The following P2RX2 variants were observed in gnomAD, a reference collection of about 807,000 sequenced individuals.
P2RX2 encodes the protein P2X purinoceptor 2.
Under a neutral mutation model 54.8 loss-of-function variants are expected in P2RX2, and 50 were observed. That is an observed-to-expected ratio of 0.91 (90% CI 0.73 to 1.15). The LOEUF is 1.15. Ranked by LOEUF, P2RX2 falls within the 50% of genes most tolerant of loss-of-function variation. P2RX2 has a pLI of 0.00. For synonymous variants in P2RX2, 289 were observed against 259.4 expected (o/e 1.11, Z -1.09); for missense variants, 658 against 633.2 (o/e 1.04, Z -0.42).
intron 1 of P2RX2, 141 bp from the exon 2 acceptor site, chr12:132,619,298 G>A (rs1207432315): frequency 1.2e-6 from 1 of 827,758 alleles, no homozygotes; most frequent in Non-Finnish European, 1.7e-6. Flanking sequence ...GCAGGGGCTG[G>A]GGCTGGGACC....
At chr12:132,619,605 C>T (rs1183759922) in intron 2 of P2RX2, 31 bp downstream of exon 2, 3 of 1,599,502 alleles carry the variant, frequency 1.9e-6, no homozygotes, top group African/African-American at 1.3e-5. Flanking sequence ...CCCGCCCCGC[C>T]GTGCACCCTA....
Position 132,620,883 on chromosome 12 carries a change from TC to T in P2RX2, c.775-117del. The T allele has an allele frequency of 1.1e-5, 8 of 712,800 alleles. 1 individual carries two copies. The highest frequency in any genetic ancestry group is 7.8e-5 in the Admixed American group (2 of 25,494). 44.2% of individuals were successfully genotyped at this position (712,800 alleles called of 1,614,324 possible). A position where few individuals can be genotyped will look rare whatever the true frequency, so the allele number is the denominator to read the frequency against. ...CATGCAGCCTGGGACTGACCCGGGC[TC>T]TCGAGGGGCCTCTCGTGTGCCCTTG... On this transcript the variant is annotated intron_variant, in intron 7 of 10. Coordinates refer to ENST00000643471, the MANE Select transcript of P2RX2 (RefSeq NM_170682.4).
At chr12:132,620,727 C>A in intron 7 of P2RX2, 144 bp downstream of exon 7, 1 of 1,086,724 alleles carries the variant, frequency 9.2e-7, no homozygotes, top group Non-Finnish European at 1.3e-6. Flanking sequence ...CAGCGCAACC[C>A]ATCCGGTGTG....
chr12:132,619,337 C>A, intron 1 of P2RX2, 102 bp from the exon 2 acceptor site: 2 of 1,313,252 alleles, frequency 1.5e-6, no homozygotes, highest in Non-Finnish European at 2.1e-6. Context: ...CCAAGAGCCC[C>A]GCAGAGCGGA....
intron 2 of P2RX2, 35 bp downstream of exon 2, chr12:132,619,609 C>T (rs1426262313): frequency 6.3e-7 from 1 of 1,597,962 alleles, no homozygotes; most frequent in Non-Finnish European, 8.6e-7. Flanking sequence ...CCCCGCCGTG[C>T]ACCCTACCCT....
At chr12:132,620,878 CGGGCTCTCG>C (rs1290713343) in intron 7 of P2RX2, 114 bp from the exon 8 acceptor site, 23 of 885,950 alleles carry the variant, frequency 2.6e-5, no homozygotes, top group Middle Eastern at 3.8e-4. Flanking sequence ...GGGACTGACC[CGGGCTCTCG>C]AGGGGCCTCT....
chr12:132,620,378 G>A, intron 6 of P2RX2, 31 bp downstream of exon 6: 8 of 1,613,940 alleles, frequency 5.0e-6, no homozygotes, highest in African/African-American at 2.7e-5. Context: ...TGACGGCCCA[G>A]CCTGAGGGCT....
rs946340467 is a variant in P2RX2 at position 132,622,078 on chromosome 12, C to T, written c.*106C>T. ...GGGCACCTCAGTAGCGGAGCATCTC[C>T]ACGAAACGGGGCACCACAGGATCCC... On this transcript the variant is annotated 3_prime_UTR_variant, in exon 11 of 11. Coordinates refer to ENST00000643471, the MANE Select transcript of P2RX2 (RefSeq NM_170682.4). 1.3e-6 allele frequency: 2 copies of T among 1,557,174 alleles called. No homozygotes were observed. Among genetic ancestry groups the T allele is most frequent in the African/African-American group, 2.7e-5 (2 of 73,780 alleles).
rs1406523346 is a variant in P2RX2, at chr12:132,619,721, C to A, written c.352C>A (p.His118Asn). 2 of 1,606,414 alleles carry A rather than the reference C, an allele frequency of 1.2e-6. No homozygotes were observed. Among genetic ancestry groups the A allele is most frequent in the African/African-American group, 2.7e-5 (2 of 74,706 alleles). The change falls in exon 3 of 11, where the codon CAC becomes AAC. Residue 118 changes from histidine (H) to asparagine (N), a missense_variant. Coordinates refer to ENST00000643471, the MANE Select transcript of P2RX2 (RefSeq NM_170682.4). ...CATCATCACCAGGGTCGAGGCCACC[C>A]ACTCCCAGACCCAGGGAACCTGCCC... The part of the protein sequence containing the change: ...FSIITRVEAT[H>N]SQTQGTCPES...
chr12:132,619,332 AG>A (rs2041534990), intron 1 of P2RX2, 106 bp from the exon 2 acceptor site: 2 of 1,160,958 alleles, frequency 1.7e-6, no homozygotes, highest in Admixed American at 5.8e-5. Context: ...AGGCCCCAAG[AG>A]CCCCGCAGAG....
At position 132,621,501 on chromosome 12, in the gene P2RX2, CATT is replaced by C; in HGVS notation, c.1028_1030del (p.Ile343del). 1 of 1,561,716 alleles carries C rather than the reference CATT, an allele frequency of 6.4e-7. No individual in the cohort carries two copies. ...CCGGGAAGTTCAGCCTGATTCCCAC[CATT>C]ATTAATCTGGCCACAGCTCTGACTT... On this transcript the variant is annotated inframe_deletion, in exon 10 of 11. Transcript: ENST00000643471.
rs1166741163 is a variant in P2RX2 at position 132,618,903 on chromosome 12, G to A, written c.87G>A (p.Glu29=). 7.4e-7 allele frequency: 1 copy of A among 1,355,386 alleles called. No homozygotes were observed. The highest frequency in any genetic ancestry group is 1.5e-5 in the African/African-American group (1 of 66,032). The allele number at this position is 1,355,386 out of a possible 1,614,324, so 84.0% of individuals were successfully genotyped here. ...RGCWSALWDY[E]TPKVIVVRNR... ...GCTGGTCCGCCCTCTGGGACTACGAGACGCCCAAGGTGATCGTGGTGAGGA... is the reference window on the plus strand; with the variant it reads ...GCTGGTCCGCCCTCTGGGACTACGAAACGCCCAAGGTGATCGTGGTGAGGA... Residue 29 remains glutamate, a synonymous_variant, in exon 1 of 11, where the codon GAG becomes GAA. Transcript: ENST00000643471.
chr12:132,619,032 G>T, intron 1 of P2RX2, 43 bp downstream of exon 1: 1 of 1,053,404 alleles, frequency 9.5e-7, no homozygotes, highest in Non-Finnish European at 1.2e-6. Context: ...GCGGGGCGCA[G>T]GGGAGGGGCT....
In P2RX2 at chr12:132,620,487, C is replaced by T. The variant is rs1441439650; in HGVS notation, c.678C>T (p.Cys226=). 6.2e-7 allele frequency: 1 copy of T among 1,614,088 alleles called. No individual in the cohort carries two copies. Among genetic ancestry groups the T allele is most frequent in the Admixed American group, 1.7e-5 (1 of 60,032 alleles). Residue 226 remains cysteine, a synonymous_variant, in exon 7 of 11, where the codon TGC becomes TGT. Coordinates refer to ENST00000643471, the MANE Select transcript of P2RX2 (RefSeq NM_170682.4). ...GCACAGACGGGTACCTGAAGCGCTG[C>T]ACGTTCCACGAGGCCTCCGACCTCT... is the stretch of plus-strand genomic sequence containing the variant. ...ADRTDGYLKR[C]TFHEASDLYC...
Position 132,622,014 on chromosome 12 carries a change from G to A in P2RX2, c.*42G>A, listed in dbSNP as rs1333813053. On this transcript the variant is annotated 3_prime_UTR_variant, in exon 11 of 11. Transcript: ENST00000643471. ...CTGGACTGCAGACCCGGCCTGGTGG[G>A]GCCAGAGAGTCCCCAGCTAGGGACC... The A allele has an allele frequency of 3.7e-6, 6 of 1,610,846 alleles. No homozygotes were observed. Among genetic ancestry groups the A allele is most frequent in the East Asian group, 2.2e-5 (1 of 44,892 alleles).
chr12:132,620,497 G>A lies in P2RX2; in HGVS notation c.688G>A (p.Glu230Lys). The A allele has an allele frequency of 6.2e-7, 1 of 1,614,028 alleles. No homozygotes were observed. Among genetic ancestry groups the A allele is most frequent in the Non-Finnish European group, 8.5e-7 (1 of 1,180,006 alleles). Residue 230 changes from glutamate to lysine, a missense_variant, in exon 7 of 11, where the codon GAG becomes AAG. Transcript: ENST00000643471. ...GTACCTGAAGCGCTGCACGTTCCAC[G>A]AGGCCTCCGACCTCTACTGCCCCAT... is the stretch of plus-strand genomic sequence containing the variant. Reference protein sequence around the residue: ...DGYLKRCTFHEASDLYCPIFK... With the variant: ...DGYLKRCTFHKASDLYCPIFK...
rs1171463935 is a variant in P2RX2 at position 132,622,384 on chromosome 12, C to G, written c.*412C>G. 1 of 277,854 alleles carries G rather than the reference C, an allele frequency of 3.6e-6. No individual in the cohort carries two copies. Among genetic ancestry groups the G allele is most frequent in the Non-Finnish European group, 6.1e-6 (1 of 164,704 alleles). The allele number at this position is 277,854 out of a possible 1,614,324, so 17.2% of individuals were successfully genotyped here. ...ATACTCAGTCCAATAAACCTGTGAG[C>G]AGAACCTTCTGGCCTCGTTCCTTGG... On this transcript the variant is annotated 3_prime_UTR_variant, in exon 11 of 11. Transcript: ENST00000643471.
At position 132,619,574 on chromosome 12, in the gene P2RX2, G is replaced by C; in HGVS notation, c.309G>C (p.Glu103Asp). The C allele has an allele frequency of 6.2e-7, 1 of 1,609,798 alleles. No homozygotes were observed. Among genetic ancestry groups the C allele is most frequent in the Non-Finnish European group, 8.5e-7 (1 of 1,177,976 alleles). Residue 103 changes from glutamate (E) to aspartate (D), a missense_variant and splice_region_variant, in exon 2 of 11, where the codon GAG (glutamate) becomes GAC (aspartate). Transcript: ENST00000643471. The part of the protein sequence containing the change: ...WDVEEYVKPP[E>D]GGSVFSIITR... ...TGGAGGAGTACGTGAAGCCCCCCGA[G>C]GTGCGGGCCGCCCCCTGCCCCCCGC...
rs12830746 is a variant in P2RX2 at position 132,620,908 on chromosome 12, T to A, written c.775-93T>A. 7.5e-5 allele frequency: 3 copies of A among 39,892 alleles called. 1 individual carries two copies. The highest frequency in any genetic ancestry group is 8.5e-3 in the East Asian group (2 of 234). The allele number at this position is 39,892 out of a possible 1,614,324, so 2.5% of individuals were successfully genotyped here. A position where few individuals can be genotyped will look rare whatever the true frequency, so the allele number is the denominator to read the frequency against. On this transcript the variant is annotated intron_variant, in intron 7 of 10. Transcript: ENST00000643471. The stretch of plus-strand genomic sequence containing the variant: ...TCTCGAGGGGCCTCTCGTGTGCCCT[T>A]GTGACCCCCTTCCCTGGCCTGGGAC...
Sources: allele counts gnomAD v4.1 joint callset, GRCh38; gene constraint gnomAD v4.1.1; transcripts MANE v1.5; gene names NCBI Gene and HGNC (gene_info 2026-07-23, HGNC 2026-07-21).